The following ATP1B1 variants were observed in gnomAD, a reference collection of about 807,000 sequenced individuals.
ATP1B1 encodes sodium/potassium-transporting ATPase subunit beta-1.
A neutral mutation model predicts 39.6 loss-of-function variants in ATP1B1; 3 were observed. The ratio of observed to expected loss-of-function variants is 0.08; its 90% CI spans 0.03 to 0.20. The LOEUF is 0.20. Among genes scored for constraint, ATP1B1 ranks in the 10% least tolerant of loss-of-function variants. The pLI is 1.00. For synonymous variants in ATP1B1, 139 were observed against 135.0 expected, an observed-to-expected ratio of 1.03 and a Z score of -0.20; for missense variants, 216 against 371.1, an observed-to-expected ratio of 0.58 and a Z score of 3.43.
intron 1 of ATP1B1, 40 bp from the exon 2 acceptor site, chr1:169,111,330 A>G (rs374637562): frequency 6.1e-5 from 99 of 1,612,072 alleles, no homozygotes; most frequent in Admixed American, 2.3e-4. Context: ...TTCTGAGCAT[A>G]TGACTGCATC....
chr1:169,114,226 CT>C (rs1376685496), intron 2 of ATP1B1, among the ~76,000 whole-genome samples: 2 of 138,262 alleles, frequency 1.4e-5, no homozygotes, highest in Non-Finnish European at 3.2e-5. Flanking sequence ...GAAATAACTC[CT>C]TAAGTATGCA....
Position 169,106,727 on chromosome 1 carries a change from G to T in ATP1B1, c.-103G>T. 1.1e-6 allele frequency: 1 copy of T among 912,104 alleles called. No individual in the cohort carries two copies. The highest frequency in any genetic ancestry group is 1.9e-5 in the South Asian group (1 of 51,666). 56.5% of individuals were successfully genotyped at this position (912,104 alleles called of 1,614,324 possible). A position where few individuals can be genotyped will look rare whatever the true frequency, so the allele number is the denominator to read the frequency against. On this transcript the variant is annotated 5_prime_UTR_variant, in exon 1 of 6. Coordinates refer to ENST00000367815, the MANE Select transcript of ATP1B1 (RefSeq NM_001677.4). ...GCAGCGGCAGCGGCGCGTCCTGCCT[G>T]CAGAGAGCCAGGCCGGAGAAGCCGA...
intron 2 of ATP1B1, among the ~76,000 whole-genome samples, chr1:169,120,042 A>C (rs1337778136): frequency 6.6e-6 from 1 of 152,088 alleles, no homozygotes; most frequent in Non-Finnish European, 1.5e-5. Context: ...AATTAAGACT[A>C]TCCAGAACAG....
intron 4 of ATP1B1, 152 bp downstream of exon 4, chr1:169,127,560 A>G: frequency 1.3e-6 from 1 of 748,928 alleles, no homozygotes. Flanking sequence ...TTCTGTATCC[A>G]CCCTGCAATT....
chr1:169,131,238 A>G lies in ATP1B1; in HGVS notation c.649-54A>G. On this transcript the variant is annotated intron_variant, in intron 5 of 5. Transcript: ENST00000367815. This position sits in a 1 kb window ranked among gnomAD's most constrained non-coding sequence, Gnocchi z 4.4. ...TAGATTGAGTCTTGTTTTTGAGTAC[A>G]CATAGTGATGCATGATGTGAGCCAT... 6.4e-7 allele frequency: 1 copy of G among 1,555,710 alleles called. No homozygotes were observed.
chr1:169,116,547 T>C (rs1329843398), intron 2 of ATP1B1, among the ~76,000 whole-genome samples: 1 of 152,076 alleles, frequency 6.6e-6, no homozygotes. Context: ...AGAGGAAATA[T>C]CTAATCTTAA....
chr1:169,118,578 A>C (rs1331244818), intron 2 of ATP1B1, among the ~76,000 whole-genome samples: 1 of 152,118 alleles, frequency 6.6e-6, no homozygotes, highest in Non-Finnish European at 1.5e-5. Context: ...ATAAACAAAC[A>C]AAATCCAGAA....
chr1:169,111,329 T>G, intron 1 of ATP1B1, 41 bp from the exon 2 acceptor site: 1 of 1,612,020 alleles, frequency 6.2e-7, no homozygotes, highest in Non-Finnish European at 8.5e-7. Context: ...ATTCTGAGCA[T>G]ATGACTGCAT....
At chr1:169,125,420 G>C (rs1658066379) in intron 3 of ATP1B1, among the ~76,000 whole-genome samples, 1 of 152,158 alleles carries the variant, frequency 6.6e-6, no homozygotes. Flanking sequence ...TCTCTCATCA[G>C]AAAGACCTTT....
intron 1 of ATP1B1, among the ~76,000 whole-genome samples, chr1:169,110,242 C>G (rs1033430163): frequency 6.6e-6 from 1 of 152,058 alleles, no homozygotes; most frequent in African/African-American, 2.4e-5. Context: ...TGTACCCACT[C>G]CCTCCCTGGC....
intron 5 of ATP1B1, among the ~76,000 whole-genome samples, chr1:169,130,917 C>T (rs1658204821): frequency 6.6e-6 from 1 of 151,798 alleles, no homozygotes; most frequent in South Asian, 2.1e-4. Context: ...ACAGTGCTAG[C>T]ACCAAGCAAG....
rs545445056 is a variant in ATP1B1, at chr1:169,130,838, T to A, written c.649-454T>A. ...AGACTAAGGTAACAATTAGTGCATG[T>A]TTCCTTTGGATCCAAAAACTAATGG... On this transcript the variant is annotated intron_variant, in intron 5 of 5. Transcript: ENST00000367815. 1.1e-4 allele frequency among the ~76,000 whole-genome samples: 16 copies of A among 150,982 alleles called. No individual in the cohort carries two copies. In the South Asian group the frequency reaches 3.0e-3, roughly 28 times the overall value.
At chr1:169,107,884 ACATCAT>A (rs531481247) in intron 1 of ATP1B1, 14 of 151,096 alleles carry the variant, frequency 9.3e-5, no homozygotes, top group East Asian at 1.9e-4. Context: ...TCCTCCTCCA[ACATCAT>A]CATCATCATC....
rs989429700 is a variant in ATP1B1, at chr1:169,106,720, C to G, written c.-110C>G. 4 of 810,570 alleles carry G rather than the reference C, an allele frequency of 4.9e-6. No homozygotes were observed. The African/African-American group carries it at 7.4e-5, about 15-fold the overall frequency. 50.2% of individuals were successfully genotyped at this position (810,570 alleles called of 1,614,324 possible). On this transcript the variant is annotated 5_prime_UTR_variant, in exon 1 of 6. Transcript: ENST00000367815. ...GAGAGCCGCAGCGGCAGCGGCGCGT[C>G]CTGCCTGCAGAGAGCCAGGCCGGAG... is the stretch of plus-strand genomic sequence containing the variant.
Position 169,131,768 on chromosome 1 carries a change from AAAAG to A in ATP1B1, c.*217_*220del. 3.1e-6 allele frequency: 2 copies of A among 648,592 alleles called. No homozygotes were observed. The highest frequency in any genetic ancestry group is 3.7e-5 in the Admixed American group (1 of 27,366). The allele number at this position is 648,592 out of a possible 1,614,324, so 40.2% of individuals were successfully genotyped here. A position where few individuals can be genotyped will look rare whatever the true frequency, so the allele number is the denominator to read the frequency against. The stretch of plus-strand genomic sequence containing the variant: ...TTATTCTACTGTAAATGACAAAAGA[AAAAG>A]AAAAATTGAGCCTTGGGACGTGCCC... On this transcript the variant is annotated 3_prime_UTR_variant, in exon 6 of 6. Coordinates refer to ENST00000367815, the MANE Select transcript of ATP1B1 (RefSeq NM_001677.4). This position sits in a 1 kb window ranked among gnomAD's most constrained non-coding sequence, Gnocchi z 4.4.
At chr1:169,110,586 T>TTTGTTTTGCA in intron 1 of ATP1B1, 1 of 898,570 alleles carries the variant, frequency 1.1e-6, no homozygotes, top group African/African-American at 1.9e-5. Flanking sequence ...TTTTTTTTTT[T>TTTGTTTTGCA]GCTTTTGCAG....
chr1:169,114,378 T>A (rs994172324), intron 2 of ATP1B1, among the ~76,000 whole-genome samples: 2 of 152,234 alleles, frequency 1.3e-5, no homozygotes, highest in East Asian at 3.8e-4. Flanking sequence ...AAAGTTTGCA[T>A]ATGATTTAAA....
intron 5 of ATP1B1, 47 bp downstream of exon 5, chr1:169,130,137 G>A: frequency 6.6e-7 from 1 of 1,506,490 alleles, no homozygotes; most frequent in Non-Finnish European, 9.2e-7. Flanking sequence ...GGTAGGCAGA[G>A]GAAGAGGGGA....
chr1:169,130,246 T>C (rs534085174), intron 5 of ATP1B1, among the ~76,000 whole-genome samples, 156 bp downstream of exon 5: 6 of 152,194 alleles, frequency 3.9e-5, no homozygotes, highest in South Asian at 2.1e-4. Context: ...ATTGTAGCTA[T>C]ACTAGGTAAA....
Sources: allele counts gnomAD v4.1 joint callset (sites outside exome capture counted in the v4.1 genomes callset), GRCh38; gene constraint gnomAD v4.1.1; non-coding constraint Gnocchi (gnomAD v3.1); transcripts MANE v1.5; gene names NCBI Gene and HGNC (gene_info 2026-07-23, HGNC 2026-07-21).